FUT8: variants seen among roughly 807,000 people sequenced by gnomAD.
FUT8 encodes the protein alpha-(1,6)-fucosyltransferase.
FUT8 carries 29 observed loss-of-function variants against 71.3 expected under a neutral mutation model. The ratio of observed to expected loss-of-function variants is 0.41; its 90% CI spans 0.30 to 0.55. FUT8 has a LOEUF of 0.55. FUT8 is among the 20% of genes least tolerant of loss of function. The pLI is 0.34. For synonymous variants in FUT8, 254 were observed against 239.3 expected, an observed-to-expected ratio of 1.06 and a Z score of -0.57; for missense variants, 544 against 702.1, an observed-to-expected ratio of 0.77 and a Z score of 2.55.
At chr14:65,367,436 C>T in the FUT8 span, among the ~76,000 whole-genome samples, 1 of 152,148 alleles carries the variant, frequency 6.6e-6, no homozygotes, top group Non-Finnish European at 1.5e-5. Flanking sequence ...CCTCCCAGCA[C>T]TGAGCAACTA....
chr14:65,698,197 G>A (rs1180257442), intron 7 of FUT8, among the ~76,000 whole-genome samples: 1 of 152,048 alleles, frequency 6.6e-6, no homozygotes, highest in Non-Finnish European at 1.5e-5. Flanking sequence ...ATTTCATCTG[G>A]CTCTGTACTT....
Position 65,652,717 on chromosome 14 carries a change from A to G in FUT8, c.598-16526A>G, listed in dbSNP as rs1891469419. Among the ~76,000 whole-genome samples, 1 of 152,132 alleles carries G rather than the reference A, an allele frequency of 6.6e-6. No homozygotes were observed. On this transcript the variant is annotated intron_variant, in intron 6 of 10. Coordinates refer to ENST00000673929, the MANE Select transcript of FUT8 (RefSeq NM_001371533.1). This position sits in a 1 kb window ranked among gnomAD's most constrained non-coding sequence, Gnocchi z 4.0. ...CAGGTGCCTGACACAATGGGGGTCA[A>G]TATGTATTTATTGGATAAAGGAATA... is the stretch of plus-strand genomic sequence containing the variant.
chr14:65,443,718 TAAAA>T (rs11317208), intron 1 of FUT8, among the ~76,000 whole-genome samples: 5 of 140,288 alleles, frequency 3.6e-5, no homozygotes, highest in Admixed American at 7.1e-5. Context: ...GGACCTCTAA[TAAAA>T]AAAAAAAAAA....
intron 2 of FUT8, among the ~76,000 whole-genome samples, chr14:65,556,603 C>G (rs2060317906): frequency 6.6e-6 from 1 of 152,106 alleles, no homozygotes; most frequent in South Asian, 2.1e-4. Context: ...TTACTGTATT[C>G]TATTTAAGAA....
At chr14:65,634,488 G>T (rs936829778) in intron 6 of FUT8, among the ~76,000 whole-genome samples, 186 of 151,024 alleles carry the variant, frequency 1.2e-3, no homozygotes, top group African/African-American at 3.8e-3. Flanking sequence ...GTTTATCTGT[G>T]GACCTTCCCT....
intron 6 of FUT8, among the ~76,000 whole-genome samples, chr14:65,654,327 G>A (rs72716418): frequency 0.13 from 20,014 of 152,170 alleles, 1,773 homozygotes; most frequent in Middle Eastern, 0.19. Flanking sequence ...GGTGGAGCAC[G>A]CCTGTAATCC....
intron 7 of FUT8, among the ~76,000 whole-genome samples, chr14:65,684,825 G>A (rs1893200611): frequency 6.6e-6 from 1 of 152,060 alleles, no homozygotes; most frequent in South Asian, 2.1e-4. Flanking sequence ...GGCCTCCCCA[G>A]CCATGTGAAA....
At chr14:65,404,316 C>T in the FUT8 span, among the ~76,000 whole-genome samples, 5 of 151,496 alleles carry the variant, frequency 3.3e-5, no homozygotes, top group Admixed American at 6.6e-5. Context: ...GGATTACAGG[C>T]GCCCACCATA....
intron 6 of FUT8, among the ~76,000 whole-genome samples, chr14:65,666,068 CCTTAAA>C (rs1048960778): frequency 7.9e-5 from 12 of 151,642 alleles, no homozygotes; most frequent in Non-Finnish European, 1.6e-4. Flanking sequence ...ACACGTGTAC[CCTTAAA>C]CTTAAAATTT....
intron 3 of FUT8, among the ~76,000 whole-genome samples, chr14:65,608,368 G>A (rs1214305058): frequency 6.6e-6 from 1 of 151,784 alleles, no homozygotes; most frequent in Non-Finnish European, 1.5e-5. Flanking sequence ...AAGTATTTAA[G>A]AAAGGCAACC....
At chr14:65,363,295 TATTTTTAGTAGAGA>T in the FUT8 span, among the ~76,000 whole-genome samples, 67,100 of 150,290 alleles carry the variant, frequency 0.45, 17,470 homozygotes, top group Non-Finnish European at 0.6. Flanking sequence ...CTAATTTTTG[TATTTTTAGTAGAGA>T]TGGGGTTTCA....
At chr14:65,397,307 A>G in the FUT8 span, among the ~76,000 whole-genome samples, 1 of 152,338 alleles carries the variant, frequency 6.6e-6, no homozygotes, top group Non-Finnish European at 1.5e-5. This position sits in a 1 kb window ranked among gnomAD's most constrained non-coding sequence, Gnocchi z 4.2. Flanking sequence ...GTAATGTTCT[A>G]TGGCTAGAAA....
At chr14:65,608,708 A>AGTT in intron 3 of FUT8, among the ~76,000 whole-genome samples, 1 of 151,962 alleles carries the variant, frequency 6.6e-6, no homozygotes, top group Admixed American at 6.6e-5. Flanking sequence ...AATGAGGATC[A>AGTT]TCTACAGGAA....
chr14:65,706,980 T>C (rs1894587279), intron 7 of FUT8, among the ~76,000 whole-genome samples: 1 of 152,212 alleles, frequency 6.6e-6, no homozygotes, highest in African/African-American at 2.4e-5. Flanking sequence ...AAACGTTTTC[T>C]TGCTGGAAGG....
intron 3 of FUT8, among the ~76,000 whole-genome samples, chr14:65,586,525 T>C (rs1413363555): frequency 6.6e-6 from 1 of 152,226 alleles, no homozygotes; most frequent in Non-Finnish European, 1.5e-5. Flanking sequence ...ATGTAAGTTA[T>C]GATTTTGGAA....
chr14:65,650,765 T>G (rs1891366729), intron 6 of FUT8, among the ~76,000 whole-genome samples: 1 of 151,934 alleles, frequency 6.6e-6, no homozygotes, highest in African/African-American at 2.4e-5. Context: ...TCCTATTTTT[T>G]GTGTGTTTAC....
At chr14:65,562,475 T>A (rs1885966512) in intron 3 of FUT8, among the ~76,000 whole-genome samples, 1 of 152,140 alleles carries the variant, frequency 6.6e-6, no homozygotes, top group African/African-American at 2.4e-5. Flanking sequence ...AGGCATCAAC[T>A]GTTTGAAAAC....
At chr14:65,702,206 A>T (rs1894333297) in intron 7 of FUT8, among the ~76,000 whole-genome samples, 1 of 152,028 alleles carries the variant, frequency 6.6e-6, no homozygotes, top group Non-Finnish European at 1.5e-5. Context: ...TTGGCTGGGC[A>T]TGGTGGCACA....
chr14:65,553,128 A>G (rs1466988545), intron 2 of FUT8, among the ~76,000 whole-genome samples: 1 of 152,156 alleles, frequency 6.6e-6, no homozygotes, highest in Non-Finnish European at 1.5e-5. Context: ...ATTTATTTAT[A>G]GAGACAGGGT....
Sources: allele counts gnomAD v4.1 joint callset (sites outside exome capture counted in the v4.1 genomes callset), GRCh38; gene constraint gnomAD v4.1.1; non-coding constraint Gnocchi (gnomAD v3.1); transcripts MANE v1.5; gene names NCBI Gene and HGNC (gene_info 2026-07-23, HGNC 2026-07-21).